Variants in NCOA2 observed in about 807,000 individuals in gnomAD.
NCOA2 encodes the protein class E basic helix-loop-helix protein 75.
NCOA2 carries 21 observed loss-of-function variants against 145.1 expected under a neutral mutation model. That is an observed-to-expected ratio of 0.14 (90% CI 0.10 to 0.21). NCOA2 has a LOEUF of 0.21. Among genes scored for constraint, NCOA2 ranks in the 10% least tolerant of loss-of-function variants. The pLI, the probability that NCOA2 is intolerant of heterozygous loss-of-function variation, is 1.00. For synonymous variants in NCOA2, 619 were observed against 637.5 expected, an observed-to-expected ratio of 0.97 and a Z score of 0.44; for missense variants, 1,472 against 1,837.6, an observed-to-expected ratio of 0.80 and a Z score of 3.64.
chr8:70,335,121 T>C, intron 1 of NCOA2, among the ~76,000 whole-genome samples: 1 of 33,016 alleles, frequency 3.0e-5, no homozygotes, highest in African/African-American at 1.3e-4. Context: ...AGACTCCATC[T>C]CAAAAAAAAA....
intron 2 of NCOA2, among the ~76,000 whole-genome samples, chr8:70,263,182 C>T (rs1824278739): frequency 6.9e-6 from 1 of 144,902 alleles, no homozygotes; most frequent in African/African-American, 2.6e-5. Flanking sequence ...AGACAGTGGA[C>T]CTGATAACCA....
intron 22 of NCOA2, among the ~76,000 whole-genome samples, chr8:70,116,603 T>C (rs1349295536): frequency 2.0e-5 from 3 of 152,150 alleles, no homozygotes; most frequent in Admixed American, 6.5e-5. Context: ...GCAGAGCTTA[T>C]TACGGAAACA....
At chr8:70,275,144 C>T (rs1415128611) in intron 2 of NCOA2, among the ~76,000 whole-genome samples, 1 of 152,122 alleles carries the variant, frequency 6.6e-6, no homozygotes, top group Non-Finnish European at 1.5e-5. Flanking sequence ...AAAATAAGTA[C>T]AAATATGCCA....
intron 2 of NCOA2, among the ~76,000 whole-genome samples, chr8:70,254,485 G>A (rs1823467497): frequency 6.6e-6 from 1 of 152,050 alleles, no homozygotes; most frequent in African/African-American, 2.4e-5. Flanking sequence ...ATTGACAGAC[G>A]AATAAACAAA....
chr8:70,226,531 A>G (rs1820659570), intron 2 of NCOA2, among the ~76,000 whole-genome samples: 1 of 152,034 alleles, frequency 6.6e-6, no homozygotes, highest in Admixed American at 6.6e-5. Context: ...ATCAAATCTC[A>G]TTTTACTGGT....
intron 2 of NCOA2, among the ~76,000 whole-genome samples, chr8:70,286,569 A>C (rs1460931476): frequency 1.3e-5 from 2 of 152,198 alleles, no homozygotes; most frequent in Non-Finnish European, 2.9e-5. Flanking sequence ...AACACTAAAA[A>C]CATATTTCAC....
chr8:70,143,370 T>C (rs1268719820), intron 13 of NCOA2, among the ~76,000 whole-genome samples: 5 of 152,224 alleles, frequency 3.3e-5, no homozygotes, highest in Non-Finnish European at 7.3e-5. Context: ...AGAAGATTCC[T>C]ACAAGAACTC....
intron 2 of NCOA2, among the ~76,000 whole-genome samples, chr8:70,232,567 C>T (rs1821230320): frequency 6.6e-6 from 1 of 152,176 alleles, no homozygotes; most frequent in Admixed American, 6.5e-5. Context: ...TTCAACATCA[C>T]TTCTGGTGTC....
At chr8:70,261,528 A>G (rs181152431) in intron 2 of NCOA2, among the ~76,000 whole-genome samples, 6 of 152,276 alleles carry the variant, frequency 3.9e-5, no homozygotes, top group African/African-American at 1.4e-4. Flanking sequence ...CCAGCATGGC[A>G]CATGTATACA....
the NCOA2 span, among the ~76,000 whole-genome samples, chr8:70,445,659 A>C: frequency 4.6e-5 from 7 of 152,202 alleles, no homozygotes; most frequent in Non-Finnish European, 7.3e-5. Context: ...GAGCTACTGT[A>C]ATCATGTTTT....
intron 4 of NCOA2, among the ~76,000 whole-genome samples, chr8:70,208,597 T>C (rs1377221588): frequency 6.6e-6 from 1 of 152,200 alleles, no homozygotes; most frequent in Non-Finnish European, 1.5e-5. Flanking sequence ...GACTCTTCTG[T>C]TAAGGGGCTG....
chr8:70,203,253 C>A (rs550545435), intron 4 of NCOA2, among the ~76,000 whole-genome samples: 1 of 82,298 alleles, frequency 1.2e-5, no homozygotes, highest in Admixed American at 1.6e-4. Flanking sequence ...TAGAACAAGA[C>A]TCTGTCTCAA....
At chr8:70,167,154 T>C (rs1251542873) in intron 6 of NCOA2, among the ~76,000 whole-genome samples, 1 of 152,200 alleles carries the variant, frequency 6.6e-6, no homozygotes, top group South Asian at 2.1e-4. Context: ...TTTAGTTCAA[T>C]CTACTTGCAT....
chr8:70,154,780 A>G (rs2132178928), intron 11 of NCOA2, among the ~76,000 whole-genome samples: 1 of 152,288 alleles, frequency 6.6e-6, no homozygotes, highest in Non-Finnish European at 1.5e-5. Flanking sequence ...GATTATCAAG[A>G]ATGATTTGGG....
rs114416614 is a variant in NCOA2, at chr8:70,230,134, C to T, written c.-19-13370G>A. Among the ~76,000 whole-genome samples the T allele has an allele frequency of 5.9e-3, 893 of 152,250 alleles. 5 individuals are homozygous for T. Among genetic ancestry groups the T allele is most frequent in the African/African-American group, 0.02 (831 of 41,536 alleles). ...GCTGAAGATGGTAAAGTCACAGTTA[C>T]GCTAGAAAGATTAGCATGGTAGCGG... On this transcript the variant is annotated intron_variant, in intron 2 of 22. Transcript: ENST00000452400.
intron 1 of NCOA2, among the ~76,000 whole-genome samples, chr8:70,380,408 CAT>C (rs977856524): frequency 3.9e-5 from 6 of 152,136 alleles, no homozygotes; most frequent in Non-Finnish European, 5.9e-5. Flanking sequence ...CACACACACA[CAT>C]ACTTTAAATC....
rs759264403 is a variant in NCOA2, at chr8:70,123,915, G to A, written c.4262C>T (p.Thr1421Met). ...GGGACCCATGGAGGACAGCCCTGACGTAGGCACGGAGGTCACTGAGGTCAT... is the reference window on the plus strand; with the variant it reads ...GGGACCCATGGAGGACAGCCCTGACATAGGCACGGAGGTCACTGAGGTCAT... ...ISMTSVTSVP[T>M]SGLSSMGPEQ... Residue 1421 changes from threonine to methionine, a missense_variant, in exon 21 of 23, where the codon ACG becomes ATG. Physicochemically the swap from Thr to Met is moderately conservative, Grantham distance 81. Coordinates refer to ENST00000452400, the MANE Select transcript of NCOA2 (RefSeq NM_006540.4). 7 of 1,613,546 alleles carry A rather than the reference G, an allele frequency of 4.3e-6. No homozygotes were observed. Among genetic ancestry groups the A allele is most frequent in the South Asian group, 3.3e-5 (3 of 90,972 alleles).
At position 70,221,882 on chromosome 8, in the gene NCOA2, C is replaced by CA. The variant is rs1425194886; in HGVS notation, c.-19-5119dup. ...CCCATTGGCAAACAAGTAATGCATTCAACAGTGATAGAGGACATGACACAA... is the reference window on the plus strand; with the variant it reads ...CCCATTGGCAAACAAGTAATGCATTCAAACAGTGATAGAGGACATGACACAA... On this transcript the variant is annotated intron_variant, in intron 2 of 22. Transcript: ENST00000452400. 2.6e-5 allele frequency among the ~76,000 whole-genome samples: 4 copies of CA among 152,054 alleles called. No individual in the cohort carries two copies. The East Asian group carries it at 7.7e-4, about 29-fold the overall frequency.
At chr8:70,224,427 T>A (rs150886500) in intron 2 of NCOA2, among the ~76,000 whole-genome samples, 9 of 152,344 alleles carry the variant, frequency 5.9e-5, no homozygotes, top group African/African-American at 2.2e-4. Context: ...CATATAAATG[T>A]AACTTTGAGT....
Sources: allele counts gnomAD v4.1 joint callset (sites outside exome capture counted in the v4.1 genomes callset), GRCh38; gene constraint gnomAD v4.1.1; transcripts MANE v1.5; gene names NCBI Gene and HGNC (gene_info 2026-07-23, HGNC 2026-07-21).